Variants in ANKRD44 observed in about 807,000 individuals in gnomAD.
The protein encoded by ANKRD44 is serine/threonine-protein phosphatase 6 regulatory ankyrin repeat subunit B.
In ANKRD44, 35 loss-of-function variants were observed where a neutral mutation model predicts 116.0. The ratio of observed to expected loss-of-function variants is 0.30; its 90% confidence interval spans 0.23 to 0.40. ANKRD44 has a LOEUF of 0.40. Among genes scored for constraint, ANKRD44 ranks in the 10% least tolerant of loss-of-function variants. The probability of loss-of-function intolerance (pLI) is 1.00; values close to 1 mark genes in which losing one functional copy is unlikely to be tolerated. For missense variants in ANKRD44, 1,014 were observed against 1,242.6 expected, an observed-to-expected ratio of 0.82 and a Z score of 2.77; for synonymous variants, 435 against 461.8, an observed-to-expected ratio of 0.94 and a Z score of 0.74.
chr2:197,116,424 G>A (rs1163587135), intron 8 of ANKRD44, among the ~76,000 whole-genome samples: 1 of 152,222 alleles, frequency 6.6e-6, no homozygotes, highest in Non-Finnish European at 1.5e-5. Flanking sequence ...AACGCTGGCA[G>A]TTTGACCACC....
At chr2:197,094,676 A>G (rs2078121528) in intron 10 of ANKRD44, among the ~76,000 whole-genome samples, 1 of 152,230 alleles carries the variant, frequency 6.6e-6, no homozygotes, top group Non-Finnish European at 1.5e-5. Flanking sequence ...AGGATGAGAC[A>G]AAAACATTTC....
intron 1 of ANKRD44, among the ~76,000 whole-genome samples, chr2:197,284,548 T>G (rs1196391992): frequency 6.8e-6 from 1 of 147,888 alleles, no homozygotes; most frequent in African/African-American, 2.6e-5. Flanking sequence ...ACACATAATT[T>G]GTGTGTTTAA....
intron 1 of ANKRD44, among the ~76,000 whole-genome samples, chr2:197,205,793 C>T (rs771131785): frequency 5.9e-5 from 9 of 152,134 alleles, no homozygotes; most frequent in Non-Finnish European, 1.0e-4. Context: ...CCAACCCAGC[C>T]TTGTGTCATC....
At chr2:197,309,207 T>A (rs2084165526) in intron 1 of ANKRD44, among the ~76,000 whole-genome samples, 1 of 152,182 alleles carries the variant, frequency 6.6e-6, no homozygotes, top group Non-Finnish European at 1.5e-5. Flanking sequence ...TACGCAAATG[T>A]CTAACAGTTG....
chr2:197,282,086 T>C (rs2105833470), intron 1 of ANKRD44, among the ~76,000 whole-genome samples: 1 of 152,168 alleles, frequency 6.6e-6, no homozygotes, highest in East Asian at 1.9e-4. Context: ...ACCCCGTCTC[T>C]ACTAAAAATA....
intron 2 of ANKRD44, among the ~76,000 whole-genome samples, chr2:197,170,480 TA>T (rs1270243237): frequency 3.3e-5 from 5 of 152,212 alleles, no homozygotes; most frequent in African/African-American, 9.6e-5. Flanking sequence ...TAGTCTTCCC[TA>T]GAGAAAATCT....
In ANKRD44 at chr2:197,008,054, G is replaced by C. The variant is rs1271267160; in HGVS notation, c.2013-131C>G. 3 of 657,498 alleles carry C rather than the reference G, an allele frequency of 4.6e-6. No homozygotes were observed. The Admixed American group carries it at 7.6e-5, about 17-fold the overall frequency. The allele number at this position is 657,498 out of a possible 1,614,324, so 40.7% of individuals were successfully genotyped here. ...TTGACAATTTCTTAATATTTTCTAA[G>C]TGTCCCCAGTTTGCTATACAATATG... is the stretch of plus-strand genomic sequence containing the variant. On this transcript the variant is annotated intron_variant, in intron 19 of 27. Coordinates refer to ENST00000282272, the MANE Select transcript of ANKRD44 (RefSeq NM_001195144.2).
At position 197,078,760 on chromosome 2, in the gene ANKRD44, T is replaced by G. The variant is rs746265978; in HGVS notation, c.1593A>C (p.Glu531Asp). ...CAGCATAATGTATGCTATTGTAACC[T>G]TCCTTGTCCCGGATAGATGGATTTG... The part of the protein sequence containing the change: ...NDANPSIRDK[E>D]GYNSIHYAAA... Residue 531 changes from glutamate (E) to aspartate (D), a missense_variant, in exon 16 of 28, where the codon GAA (glutamate) becomes GAC (aspartate). Physicochemically the swap from Glu to Asp is conservative, Grantham distance 45 (BLOSUM62 2). Coordinates refer to ENST00000282272, the MANE Select transcript of ANKRD44 (RefSeq NM_001195144.2). 1.2e-6 allele frequency: 2 copies of G among 1,613,208 alleles called. No individual in the cohort carries two copies. Among genetic ancestry groups the G allele is most frequent in the Non-Finnish European group, 1.7e-6 (2 of 1,179,400 alleles).
chr2:197,133,135 G>A (rs921285921), intron 4 of ANKRD44, among the ~76,000 whole-genome samples: 3 of 152,204 alleles, frequency 2.0e-5, no homozygotes, highest in Non-Finnish European at 2.9e-5. Context: ...GGATCACCAC[G>A]TTGGCAAGGG....
chr2:197,256,144 A>G (rs1055903746), intron 1 of ANKRD44, among the ~76,000 whole-genome samples: 2 of 152,224 alleles, frequency 1.3e-5, no homozygotes, highest in South Asian at 4.1e-4. Context: ...AACCATTTTC[A>G]TTTAATGCTC....
intron 1 of ANKRD44, among the ~76,000 whole-genome samples, chr2:197,245,485 C>G (rs946927299): frequency 1.3e-5 from 2 of 152,098 alleles, no homozygotes; most frequent in Non-Finnish European, 2.9e-5. Context: ...TACCAAGGGA[C>G]AGCAGTATAC....
intron 21 of ANKRD44, among the ~76,000 whole-genome samples, chr2:196,979,536 A>C (rs1449537469): frequency 1.4e-5 from 2 of 142,986 alleles, no homozygotes; most frequent in Non-Finnish European, 3.1e-5. Context: ...AAGCAGCCTG[A>C]GTAATTTAAT....
intron 8 of ANKRD44, among the ~76,000 whole-genome samples, chr2:197,111,580 A>G (rs1479195603): frequency 6.6e-6 from 1 of 151,772 alleles, no homozygotes; most frequent in Non-Finnish European, 1.5e-5. Context: ...CGGAGGTTGC[A>G]GTGAGCCAAG....
At chr2:197,293,287 T>C (rs1474919891) in intron 1 of ANKRD44, among the ~76,000 whole-genome samples, 3 of 152,154 alleles carry the variant, frequency 2.0e-5, no homozygotes, top group Non-Finnish European at 2.9e-5. Flanking sequence ...TACTACTGAG[T>C]TAACCAGAGT....
Position 197,041,515 on chromosome 2 carries a change from C to T in ANKRD44, c.1651-16248G>A, listed in dbSNP as rs1314227951. On this transcript the variant is annotated intron_variant, in intron 16 of 27. Transcript: ENST00000282272. ...ATGGCCAGCACTTGCTCATTTTTCT[C>T]ACTGGAACCAACAGGAGTTGCCTAA... Among the ~76,000 whole-genome samples, 6 of 152,220 alleles carry T rather than the reference C, an allele frequency of 3.9e-5. No homozygotes were observed. In the East Asian group the frequency reaches 1.2e-3, roughly 29 times the overall value.
At chr2:197,077,040 T>C (rs1328441543) in intron 16 of ANKRD44, among the ~76,000 whole-genome samples, 5 of 152,340 alleles carry the variant, frequency 3.3e-5, no homozygotes, top group African/African-American at 1.2e-4. Context: ...GATTGCTGGG[T>C]TGAATGATAG....
chr2:197,291,073 C>T (rs1000459831), intron 1 of ANKRD44, among the ~76,000 whole-genome samples: 1 of 152,010 alleles, frequency 6.6e-6, no homozygotes, highest in Non-Finnish European at 1.5e-5. Context: ...GCCAGGCATG[C>T]TGGTGTGTAC....
intron 6 of ANKRD44, among the ~76,000 whole-genome samples, 166 bp from the exon 7 acceptor site, chr2:197,122,958 C>T (rs1332766090): frequency 6.6e-6 from 1 of 152,140 alleles, no homozygotes; most frequent in East Asian, 1.9e-4. Context: ...TTATTGAGTA[C>T]CTCCTATAGT....
intron 1 of ANKRD44, among the ~76,000 whole-genome samples, chr2:197,272,093 G>C (rs1405695637): frequency 6.6e-6 from 1 of 152,156 alleles, no homozygotes; most frequent in African/African-American, 2.4e-5. Context: ...GTGAGATCGA[G>C]ATCACAACAA....
Sources: allele counts gnomAD v4.1 joint callset (sites outside exome capture counted in the v4.1 genomes callset), GRCh38; gene constraint gnomAD v4.1.1; transcripts MANE v1.5; gene names NCBI Gene and HGNC (gene_info 2026-07-23, HGNC 2026-07-21).